Variants in ERBB4 observed in about 807,000 individuals in gnomAD.
ERBB4 encodes receptor tyrosine-protein kinase erbB-4.
A neutral mutation model predicts 158.0 loss-of-function variants in ERBB4; 42 were observed. That is an observed-to-expected ratio of 0.27 (90% CI 0.21 to 0.34). The LOEUF is 0.34. ERBB4 is among the 10% of genes least tolerant of loss of function. ERBB4 has a pLI of 1.00. For missense variants in ERBB4, 1,333 were observed against 1,624.1 expected (o/e 0.82, Z 3.08); for synonymous variants, 583 against 558.7 (o/e 1.04, Z -0.61).
chr2:211,434,561 T>G (rs1157992073), intron 20 of ERBB4, among the ~76,000 whole-genome samples: 1 of 152,142 alleles, frequency 6.6e-6, no homozygotes. Context: ...GGTATTTTGT[T>G]ATAGCAGTCT....
intron 2 of ERBB4, among the ~76,000 whole-genome samples, chr2:212,107,447 C>A (rs899363062): frequency 6.6e-6 from 1 of 152,046 alleles, no homozygotes; most frequent in Non-Finnish European, 1.5e-5. Flanking sequence ...TGCCTGTATC[C>A]CCATTGTATC....
At chr2:212,224,890 T>C (rs932844442) in intron 1 of ERBB4, among the ~76,000 whole-genome samples, 48 of 152,106 alleles carry the variant, frequency 3.2e-4, no homozygotes, top group African/African-American at 1.1e-3. Flanking sequence ...TGTTGAGTCA[T>C]ACATTTTATG....
At chr2:211,856,853 A>C (rs7565912) in intron 3 of ERBB4, among the ~76,000 whole-genome samples, 32,235 of 152,050 alleles carry the variant, frequency 0.21, 3,569 homozygotes, top group South Asian at 0.32. Flanking sequence ...CTAGATTTTC[A>C]ACAATATGAT....
intron 1 of ERBB4, among the ~76,000 whole-genome samples, chr2:212,453,944 CTTT>C (rs5838332): frequency 5.5e-5 from 8 of 145,526 alleles, no homozygotes; most frequent in Admixed American, 1.4e-4. Flanking sequence ...TATTCCTTAA[CTTT>C]TTTTTTTTTT....
intron 1 of ERBB4, among the ~76,000 whole-genome samples, chr2:212,168,088 TC>T (rs2081404628): frequency 6.6e-6 from 1 of 151,770 alleles, no homozygotes; most frequent in South Asian, 2.1e-4. Context: ...AAAAAACTTG[TC>T]TCATTTCCCT....
chr2:212,481,466 C>A (rs1397442513), intron 1 of ERBB4, among the ~76,000 whole-genome samples: 1 of 152,140 alleles, frequency 6.6e-6, no homozygotes, highest in Non-Finnish European at 1.5e-5. Flanking sequence ...TAGAACATTT[C>A]TTTCTTTCTC....
At chr2:212,121,948 C>T (rs2125563747) in intron 2 of ERBB4, among the ~76,000 whole-genome samples, 1 of 152,080 alleles carries the variant, frequency 6.6e-6, no homozygotes, top group South Asian at 2.1e-4. Context: ...CTTTAGATAA[C>T]CTAGCATGCA....
chr2:212,024,828 A>G (rs1178933171), intron 2 of ERBB4, among the ~76,000 whole-genome samples: 1 of 151,808 alleles, frequency 6.6e-6, no homozygotes, highest in African/African-American at 2.4e-5. Context: ...GTAAAATTAT[A>G]TTGGAGTCTG....
chr2:212,132,426 C>A (rs1337983976), intron 1 of ERBB4, among the ~76,000 whole-genome samples: 3 of 152,050 alleles, frequency 2.0e-5, no homozygotes, highest in African/African-American at 7.2e-5. Flanking sequence ...AAAAGACTAC[C>A]ATTGAATTGG....
At chr2:212,129,480 T>C (rs1445456615) in intron 1 of ERBB4, among the ~76,000 whole-genome samples, 1 of 151,554 alleles carries the variant, frequency 6.6e-6, no homozygotes, top group Non-Finnish European at 1.5e-5. Context: ...TATTCATAAG[T>C]TCTCATTAAT....
chr2:211,986,497 T>C (rs1250470383), intron 2 of ERBB4, among the ~76,000 whole-genome samples: 1 of 152,220 alleles, frequency 6.6e-6, no homozygotes, highest in African/African-American at 2.4e-5. Context: ...GCAACTGAGA[T>C]TATATTGAAC....
intron 1 of ERBB4, among the ~76,000 whole-genome samples, chr2:212,272,784 G>C (rs1465995062): frequency 6.6e-6 from 1 of 151,530 alleles, no homozygotes; most frequent in East Asian, 1.9e-4. Context: ...TAAAATTACA[G>C]ATTAATATTT....
At chr2:211,675,523 A>G (rs559246546) in intron 13 of ERBB4, among the ~76,000 whole-genome samples, 1 of 152,026 alleles carries the variant, frequency 6.6e-6, no homozygotes, top group South Asian at 2.1e-4. Flanking sequence ...TTAAACTTTC[A>G]CAAGAGTTTA....
intron 7 of ERBB4, among the ~76,000 whole-genome samples, chr2:211,718,775 G>A (rs2074003940): frequency 6.6e-6 from 1 of 151,786 alleles, no homozygotes; most frequent in Admixed American, 6.6e-5. Context: ...AAGATAATGT[G>A]TTTGGAATAA....
At chr2:211,488,822 G>T (rs1225313676) in intron 20 of ERBB4, among the ~76,000 whole-genome samples, 1 of 151,890 alleles carries the variant, frequency 6.6e-6, no homozygotes, top group Non-Finnish European at 1.5e-5. Context: ...AGAGTAAAAA[G>T]GTGAGAGCAC....
At chr2:212,475,394 C>T (rs1199912028) in intron 1 of ERBB4, among the ~76,000 whole-genome samples, 1 of 152,150 alleles carries the variant, frequency 6.6e-6, no homozygotes, top group Non-Finnish European at 1.5e-5. Flanking sequence ...TATGTGTTAG[C>T]CTCTAATCAT....
At chr2:212,288,554 C>G (rs1235777953) in intron 1 of ERBB4, among the ~76,000 whole-genome samples, 1 of 152,032 alleles carries the variant, frequency 6.6e-6, no homozygotes, top group African/African-American at 2.4e-5. Context: ...CCTGTTGCAG[C>G]ATAGTAACCT....
intron 3 of ERBB4, among the ~76,000 whole-genome samples, chr2:211,923,335 T>C (rs2079922775): frequency 6.6e-6 from 1 of 152,148 alleles, no homozygotes; most frequent in Non-Finnish European, 1.5e-5. Context: ...TGTGACTACA[T>C]GGAAGTCACT....
Position 211,386,519 on chromosome 2 carries a change from G to A in ERBB4, c.3481+334C>T, listed in dbSNP as rs903286795. On this transcript the variant is annotated intron_variant, in intron 27 of 27. Coordinates refer to ENST00000342788, the MANE Select transcript of ERBB4 (RefSeq NM_005235.3). Reference sequence around the variant, plus strand: ...AATAAAGCTATGGTCCTGACACTTTGTAGTATGCTACTTCATTCAAATATT... The same window carrying A: ...AATAAAGCTATGGTCCTGACACTTTATAGTATGCTACTTCATTCAAATATT... Among the ~76,000 whole-genome samples, 6 of 152,152 alleles carry A rather than the reference G, an allele frequency of 3.9e-5. No homozygotes were observed. The East Asian group carries it at 1.2e-3, about 29-fold the overall frequency.
Sources: allele counts gnomAD v4.1 joint callset (sites outside exome capture counted in the v4.1 genomes callset), GRCh38; gene constraint gnomAD v4.1.1; transcripts MANE v1.5; gene names NCBI Gene and HGNC (gene_info 2026-07-23, HGNC 2026-07-21).